PDZRN4: variants seen among roughly 807,000 people sequenced by gnomAD.
The protein encoded by PDZRN4 is PDZ domain-containing RING finger protein 4.
In PDZRN4, 70 loss-of-function variants were observed where a neutral mutation model predicts 99.0. The observed-to-expected ratio is 0.71, with a 90% CI of 0.58 to 0.86. The LOEUF is 0.86. Among genes scored for constraint, PDZRN4 ranks in the 40% least tolerant of loss-of-function variants. PDZRN4 has a pLI of 0.00. For missense variants in PDZRN4, 1,474 were observed against 1,331.2 expected (o/e 1.11, Z -1.67); for synonymous variants, 551 against 501.6 (o/e 1.10, Z -1.32).
At chr12:41,277,847 T>C (rs1469068087) in intron 3 of PDZRN4, among the ~76,000 whole-genome samples, 1 of 152,184 alleles carries the variant, frequency 6.6e-6, no homozygotes, top group Non-Finnish European at 1.5e-5. Flanking sequence ...AGAGGTTCCG[T>C]ATGGATAAAG....
At chr12:41,532,896 T>G (rs1203148375) in intron 5 of PDZRN4, among the ~76,000 whole-genome samples, 1 of 152,196 alleles carries the variant, frequency 6.6e-6, no homozygotes, top group Non-Finnish European at 1.5e-5. Flanking sequence ...ACATTTTTCA[T>G]GAAAGATTAA....
chr12:41,532,471 A>T (rs1435464549), intron 5 of PDZRN4, among the ~76,000 whole-genome samples: 1 of 152,242 alleles, frequency 6.6e-6, no homozygotes, highest in Non-Finnish European at 1.5e-5. Context: ...TTGAATCTAT[A>T]CATCCACTTA....
At position 41,533,205 on chromosome 12, in the gene PDZRN4, C is replaced by T. The variant is rs185525638; in HGVS notation, c.1204-19451C>T. Among the ~76,000 whole-genome samples, 15 of 148,394 alleles carry T rather than the reference C, an allele frequency of 1.0e-4. No homozygotes were observed. In the East Asian group the frequency reaches 2.6e-3, roughly 25 times the overall value. On this transcript the variant is annotated intron_variant, in intron 5 of 9. Coordinates refer to ENST00000402685, the MANE Select transcript of PDZRN4 (RefSeq NM_001164595.2). ...CTTTTTTTTTTTTGAGATGGAGTCT[C>T]GCTCTGTCCCCCAGGCTGGAGGGCA...
At chr12:41,457,695 A>G (rs1404657540) in intron 3 of PDZRN4, among the ~76,000 whole-genome samples, 4 of 152,236 alleles carry the variant, frequency 2.6e-5, no homozygotes, top group African/African-American at 9.6e-5. Flanking sequence ...TTGTTTTAAA[A>G]TAAAGTAATT....
At chr12:41,510,239 A>G (rs903503870) in intron 5 of PDZRN4, among the ~76,000 whole-genome samples, 2 of 152,152 alleles carry the variant, frequency 1.3e-5, no homozygotes, top group Non-Finnish European at 2.9e-5. Flanking sequence ...ATTTAAAACA[A>G]AGATTGTGTT....
intron 3 of PDZRN4, among the ~76,000 whole-genome samples, chr12:41,330,020 C>T (rs985410665): frequency 1.3e-5 from 2 of 152,042 alleles, no homozygotes; most frequent in Non-Finnish European, 2.9e-5. Context: ...AGATAATGTG[C>T]TTTTTCATGT....
At chr12:41,423,872 C>A (rs933461478) in intron 3 of PDZRN4, among the ~76,000 whole-genome samples, 1 of 152,150 alleles carries the variant, frequency 6.6e-6, no homozygotes, top group African/African-American at 2.4e-5. Flanking sequence ...GTCCTATCAG[C>A]AGCACCATGA....
intron 3 of PDZRN4, among the ~76,000 whole-genome samples, chr12:41,502,372 A>T (rs1938126470): frequency 6.6e-6 from 1 of 152,138 alleles, no homozygotes; most frequent in Non-Finnish European, 1.5e-5. Flanking sequence ...CAATCATTCG[A>T]TATAACAACC....
In PDZRN4 at chr12:41,356,577, CA is replaced by C. The variant is rs541806613; in HGVS notation, c.844-149877del. Among the ~76,000 whole-genome samples the C allele has an allele frequency of 2.4e-4, 36 of 151,998 alleles. No individual in the cohort carries two copies. In the East Asian group the frequency reaches 7.0e-3, roughly 29 times the overall value. ...TTGTATGTTGTTGAATTTCAACCAC[CA>C]AGATAATTGTATCTCCTGGAATTAA... is the stretch of plus-strand genomic sequence containing the variant. On this transcript the variant is annotated intron_variant, in intron 3 of 9. Coordinates refer to ENST00000402685, the MANE Select transcript of PDZRN4 (RefSeq NM_001164595.2).
At position 41,354,587 on chromosome 12, in the gene PDZRN4, G is replaced by C. The variant is rs549279288; in HGVS notation, c.844-151869G>C. On this transcript the variant is annotated intron_variant, in intron 3 of 9. Transcript: ENST00000402685. ...ATGAAGGAGAACAAGAATTATCCAA[G>C]AAGTATCAGAATTGCCAGAACTCTT... Among the ~76,000 whole-genome samples the C allele has an allele frequency of 3.3e-5, 5 of 152,138 alleles. No homozygotes were observed. In the South Asian group the frequency reaches 1.0e-3, roughly 32 times the overall value.
At chr12:41,431,315 G>A (rs1364651220) in intron 3 of PDZRN4, among the ~76,000 whole-genome samples, 2 of 152,132 alleles carry the variant, frequency 1.3e-5, no homozygotes, top group Non-Finnish European at 2.9e-5. Flanking sequence ...TTGTATAGTA[G>A]GTGCTATTAT....
At chr12:41,388,373 C>T (rs1340637430) in intron 3 of PDZRN4, among the ~76,000 whole-genome samples, 1 of 138,200 alleles carries the variant, frequency 7.2e-6, no homozygotes, top group African/African-American at 2.8e-5. Context: ...TACCTCTGAG[C>T]TTAAAATAAA....
At chr12:41,516,392 T>A (rs1415828726) in intron 5 of PDZRN4, among the ~76,000 whole-genome samples, 1 of 152,100 alleles carries the variant, frequency 6.6e-6, no homozygotes, top group African/African-American at 2.4e-5. Context: ...CTACTATTCT[T>A]ATTTTATAAG....
chr12:41,440,731 C>G (rs1372962654), intron 3 of PDZRN4, among the ~76,000 whole-genome samples: 1 of 152,122 alleles, frequency 6.6e-6, no homozygotes, highest in African/African-American at 2.4e-5. Flanking sequence ...TCACACCATG[C>G]GGTTTCCATG....
intron 5 of PDZRN4, among the ~76,000 whole-genome samples, chr12:41,541,866 A>G (rs1415201894): frequency 6.6e-6 from 1 of 152,220 alleles, no homozygotes; most frequent in Non-Finnish European, 1.5e-5. Flanking sequence ...CGAAGTAGCT[A>G]TCTATTATCT....
At chr12:41,193,264 T>C (rs1250304554) in intron 2 of PDZRN4, among the ~76,000 whole-genome samples, 1 of 152,210 alleles carries the variant, frequency 6.6e-6, no homozygotes, top group Non-Finnish European at 1.5e-5. Context: ...TCGGGCCTTT[T>C]TAAAAAGTCT....
intron 3 of PDZRN4, among the ~76,000 whole-genome samples, chr12:41,328,694 C>T (rs1199858987): frequency 6.6e-6 from 1 of 152,106 alleles, no homozygotes; most frequent in Non-Finnish European, 1.5e-5. Context: ...GATGGTGCTG[C>T]TTTCACTGAT....
At position 41,457,616 on chromosome 12, in the gene PDZRN4, T is replaced by C. The variant is rs1244866778; in HGVS notation, c.844-48840T>C. Among the ~76,000 whole-genome samples the C allele has an allele frequency of 2.0e-5, 3 of 152,226 alleles. No individual in the cohort carries two copies. The East Asian group carries it at 5.8e-4, about 29-fold the overall frequency. On this transcript the variant is annotated intron_variant, in intron 3 of 9. Transcript: ENST00000402685. ...TTTGAGTCATGTGGTTATACCTACA[T>C]TTTCTAGGGGACCAAGATCTTTTCC...
In PDZRN4 at chr12:41,542,533, C is replaced by G. The variant is rs146272617; in HGVS notation, c.1204-10123C>G. On this transcript the variant is annotated intron_variant, in intron 5 of 9. Coordinates refer to ENST00000402685, the MANE Select transcript of PDZRN4 (RefSeq NM_001164595.2). ...ATAATACGCTTCATTCAGCATCTCT[C>G]TCCCATTCAGTGATTCTGCCACCCC... 4.0e-3 allele frequency among the ~76,000 whole-genome samples: 612 copies of G among 152,324 alleles called. 7 individuals carry two copies. Among genetic ancestry groups the G allele is most frequent in the African/African-American group, 0.014 (582 of 41,586 alleles).
Sources: gnomAD v4.1 joint callset for allele counts (sites outside exome capture counted in the v4.1 genomes callset) on GRCh38, gnomAD v4.1.1 for gene constraint, MANE v1.5 for transcripts, NCBI Gene and HGNC (gene_info 2026-07-23, HGNC 2026-07-21) for gene names.